The following LIMCH1 variants were observed in gnomAD, a reference collection of about 807,000 sequenced individuals.
LIMCH1 encodes the protein LIM and calponin homology domains 1.
A neutral mutation model predicts 176.5 loss-of-function variants in LIMCH1; 113 were observed. The observed-to-expected ratio is 0.64, with a 90% CI of 0.55 to 0.75. LIMCH1 has a LOEUF of 0.75. Among genes scored for constraint, LIMCH1 ranks in the 30% least tolerant of loss-of-function variants. LIMCH1 has a pLI of 0.00. For missense variants in LIMCH1, 1,674 were observed against 1,814.9 expected, an observed-to-expected ratio of 0.92 and a Z score of 1.41; for synonymous variants, 619 against 645.9, an observed-to-expected ratio of 0.96 and a Z score of 0.63.
At chr4:41,510,651 C>T (rs981215729) in intron 2 of LIMCH1, among the ~76,000 whole-genome samples, 79 of 151,990 alleles carry the variant, frequency 5.2e-4, no homozygotes, top group Admixed American at 5.2e-4. Context: ...TGCACTGGCA[C>T]GATCTCGGCT....
At chr4:41,449,018 G>C (rs1202234333) in intron 1 of LIMCH1, among the ~76,000 whole-genome samples, 2 of 151,222 alleles carry the variant, frequency 1.3e-5, no homozygotes, top group South Asian at 2.1e-4. Context: ...TCAGCACTTA[G>C]TAAAAAAAAA....
At chr4:41,448,506 G>A (rs1243209700) in intron 1 of LIMCH1, among the ~76,000 whole-genome samples, 1 of 152,000 alleles carries the variant, frequency 6.6e-6, no homozygotes, top group African/African-American at 2.4e-5. Flanking sequence ...GAAGCAGTAT[G>A]TCAGTGCGTA....
chr4:41,385,479 T>C (rs1338289915), intron 1 of LIMCH1, among the ~76,000 whole-genome samples: 3 of 152,234 alleles, frequency 2.0e-5, no homozygotes, highest in Admixed American at 1.3e-4. Flanking sequence ...AAATGTAATT[T>C]TGTGCATGGT....
chr4:41,488,264 A>G (rs954987960), intron 1 of LIMCH1, among the ~76,000 whole-genome samples: 1 of 152,246 alleles, frequency 6.6e-6, no homozygotes, highest in Non-Finnish European at 1.5e-5. Context: ...TTAGTATTAT[A>G]GAGAGGCTTA....
intron 27 of LIMCH1, 88 bp downstream of exon 27, chr4:41,684,606 G>C: frequency 6.8e-7 from 1 of 1,463,214 alleles, no homozygotes; most frequent in Non-Finnish European, 9.3e-7. Flanking sequence ...TCTGCTGGCT[G>C]CAGGCTTCTC....
At chr4:41,574,853 G>A (rs2084198286) in intron 1 of LIMCH1, among the ~76,000 whole-genome samples, 1 of 152,134 alleles carries the variant, frequency 6.6e-6, no homozygotes, top group Non-Finnish European at 1.5e-5. Context: ...GTATGACCTT[G>A]GAGAAATCAT....
intron 1 of LIMCH1, among the ~76,000 whole-genome samples, chr4:41,399,682 A>ATTTTTT (rs2058168795): frequency 4.3e-5 from 1 of 23,076 alleles, no homozygotes; most frequent in Non-Finnish European, 7.3e-5. Context: ...TGAGGTGGAT[A>ATTTTTT]CTCTTTTTTT....
intron 1 of LIMCH1, among the ~76,000 whole-genome samples, chr4:41,581,112 GTCTA>G (rs1554109824): frequency 0.013 from 1,715 of 132,974 alleles, 13 homozygotes; most frequent in Middle Eastern, 0.034. Flanking sequence ...CTGTCTGTCT[GTCTA>G]TCTATCTATC....
intron 1 of LIMCH1, among the ~76,000 whole-genome samples, chr4:41,557,184 G>T (rs576145456): frequency 2.0e-5 from 3 of 152,244 alleles, no homozygotes; most frequent in African/African-American, 7.2e-5. Context: ...TTGTAAAATG[G>T]TTCTCATCTT....
chr4:41,668,652 C>G (rs891801564), intron 21 of LIMCH1, among the ~76,000 whole-genome samples: 1 of 152,116 alleles, frequency 6.6e-6, no homozygotes, highest in South Asian at 2.1e-4. Flanking sequence ...AAAATGTATT[C>G]TTTAAGATAG....
intron 2 of LIMCH1, among the ~76,000 whole-genome samples, chr4:41,519,358 C>A (rs1457793387): frequency 6.6e-6 from 1 of 152,152 alleles, no homozygotes; most frequent in Non-Finnish European, 1.5e-5. Context: ...GAACATATGG[C>A]ATAGGCTTAC....
chr4:41,659,712 T>C (rs1381676545), intron 18 of LIMCH1, among the ~76,000 whole-genome samples: 2 of 152,304 alleles, frequency 1.3e-5, no homozygotes, highest in Admixed American at 1.3e-4. Context: ...TCATACACAC[T>C]TTAAAATTTA....
chr4:41,580,423 A>C (rs1270029774), intron 1 of LIMCH1, among the ~76,000 whole-genome samples: 1 of 152,236 alleles, frequency 6.6e-6, no homozygotes, highest in Non-Finnish European at 1.5e-5. Context: ...ACACTCACTG[A>C]TAACCCTGGA....
At chr4:41,605,156 C>T (rs928948937) in intron 3 of LIMCH1, among the ~76,000 whole-genome samples, 1 of 152,126 alleles carries the variant, frequency 6.6e-6, no homozygotes, top group Non-Finnish European at 1.5e-5. Context: ...TTTGGAAATA[C>T]AGAACAAAAT....
intron 2 of LIMCH1, among the ~76,000 whole-genome samples, chr4:41,603,559 A>C (rs988093828): frequency 6.6e-6 from 1 of 152,204 alleles, no homozygotes; most frequent in African/African-American, 2.4e-5. Context: ...CAGAATCTTC[A>C]GTGGTTAATC....
intron 1 of LIMCH1, among the ~76,000 whole-genome samples, chr4:41,372,846 A>G (rs2054179919): frequency 6.6e-6 from 1 of 152,166 alleles, no homozygotes; most frequent in Non-Finnish European, 1.5e-5. Context: ...GAAATGAGGA[A>G]ACTGAGACTT....
intron 1 of LIMCH1, among the ~76,000 whole-genome samples, chr4:41,430,967 A>G (rs1314609376): frequency 2.0e-5 from 3 of 152,222 alleles, no homozygotes; most frequent in South Asian, 2.1e-4. Flanking sequence ...AAGTGTAGCA[A>G]TTCTGCACAA....
intron 3 of LIMCH1, among the ~76,000 whole-genome samples, chr4:41,530,823 T>TAAAAAAA (rs2077203718): frequency 4.6e-5 from 4 of 86,482 alleles, no homozygotes; most frequent in African/African-American, 3.0e-4. Flanking sequence ...AAAAAAATTT[T>TAAAAAAA]TTTTTTTTTT....
chr4:41,575,225 T>G (rs572588927), intron 1 of LIMCH1, among the ~76,000 whole-genome samples: 1 of 152,374 alleles, frequency 6.6e-6, no homozygotes, highest in East Asian at 1.9e-4. Flanking sequence ...GCATCGCTGA[T>G]TTTTAAAGGC....
Sources: allele counts gnomAD v4.1 joint callset (sites outside exome capture counted in the v4.1 genomes callset), GRCh38; gene constraint gnomAD v4.1.1; transcripts MANE v1.5; gene names NCBI Gene and HGNC (gene_info 2026-07-23, HGNC 2026-07-21).